The following RIMKLB variants were observed in gnomAD, a reference collection of about 807,000 sequenced individuals.
RIMKLB encodes the protein ribosomal modification protein rimK like family member B, also known as beta-citrylglutamate synthase B.
A neutral mutation model predicts 32.0 loss-of-function variants in RIMKLB; 7 were observed. That is an observed-to-expected ratio of 0.22 (90% CI 0.12 to 0.41). RIMKLB has a LOEUF of 0.41. RIMKLB is among the 10% of genes least tolerant of loss of function. RIMKLB has a pLI of 1.00. For synonymous variants in RIMKLB, 172 were observed against 185.1 expected (o/e 0.93, Z 0.57); for missense variants, 289 against 498.7 (o/e 0.58, Z 4.00).
At chr12:8,768,202 G>T (rs996555480) in intron 5 of RIMKLB, among the ~76,000 whole-genome samples, 2 of 152,252 alleles carry the variant, frequency 1.3e-5, no homozygotes, top group African/African-American at 4.8e-5. Flanking sequence ...GCACTTAGTT[G>T]TGCAGGAACA....
intron 1 of RIMKLB, among the ~76,000 whole-genome samples, chr12:8,684,204 C>T (rs548830572): frequency 3.6e-4 from 54 of 151,520 alleles, no homozygotes; most frequent in Middle Eastern, 3.4e-3. Context: ...GATGGAGTCT[C>T]GCTCTGCCAC....
chr12:8,764,032 C>T (rs965477883), intron 5 of RIMKLB, among the ~76,000 whole-genome samples: 1 of 152,178 alleles, frequency 6.6e-6, no homozygotes, highest in Admixed American at 6.5e-5. Context: ...AGAGGGACAA[C>T]GGCCTCATTG....
At chr12:8,739,326 T>C (rs1398752118) in intron 2 of RIMKLB, among the ~76,000 whole-genome samples, 1 of 152,150 alleles carries the variant, frequency 6.6e-6, no homozygotes, top group Non-Finnish European at 1.5e-5. Flanking sequence ...GTGTACAAGC[T>C]CTCATCTCTT....
At position 8,748,851 on chromosome 12, in the gene RIMKLB, A is replaced by G. The variant is rs1255950759; in HGVS notation, c.176-1011A>G. On this transcript the variant is annotated intron_variant, in intron 2 of 5. Coordinates refer to ENST00000535829, the MANE Select transcript of RIMKLB (RefSeq NM_001297776.2). ...CCACTCTGGAGGCTGAGGCAGGAGA[A>G]TTGCTTGAACCCAGGAAGCAGAGGT... Among the ~76,000 whole-genome samples the G allele has an allele frequency of 5.3e-5, 8 of 151,878 alleles. No homozygotes were observed. The East Asian group carries it at 1.6e-3, about 30-fold the overall frequency.
At chr12:8,769,354 A>T (rs1950225417) in intron 5 of RIMKLB, among the ~76,000 whole-genome samples, 1 of 152,130 alleles carries the variant, frequency 6.6e-6, no homozygotes, top group Non-Finnish European at 1.5e-5. Context: ...AAAAATGTAT[A>T]TATGGATATA....
chr12:8,732,371 T>G (rs769989359), intron 2 of RIMKLB, among the ~76,000 whole-genome samples: 1 of 152,170 alleles, frequency 6.6e-6, no homozygotes, highest in Non-Finnish European at 1.5e-5. Flanking sequence ...TTGTAATATA[T>G]GGAGCCCAAC....
intron 2 of RIMKLB, among the ~76,000 whole-genome samples, chr12:8,745,886 G>A (rs1948038917): frequency 6.7e-6 from 1 of 150,330 alleles, no homozygotes; most frequent in Non-Finnish European, 1.5e-5. Context: ...GTACAGACAG[G>A]GTTTCACCAT....
intron 1 of RIMKLB, among the ~76,000 whole-genome samples, chr12:8,704,975 C>CAA (rs1410448378): frequency 1.3e-5 from 2 of 149,696 alleles, no homozygotes; most frequent in Admixed American, 1.3e-4. Flanking sequence ...CTCTAAAACA[C>CAA]ACACACACAC....
intron 1 of RIMKLB, among the ~76,000 whole-genome samples, chr12:8,701,897 C>CA (rs1555147679): frequency 1.6e-4 from 24 of 150,936 alleles, no homozygotes; most frequent in South Asian, 4.2e-4. Flanking sequence ...CTCAGCTACT[C>CA]GGGGGGGCTG....
intron 1 of RIMKLB, among the ~76,000 whole-genome samples, chr12:8,687,971 T>C (rs977895532): frequency 6.6e-6 from 1 of 151,758 alleles, no homozygotes; most frequent in African/African-American, 2.4e-5. Context: ...CCAGGCAGCA[T>C]GAGGGGAGGA....
chr12:8,752,514 T>C (rs1948696052), intron 4 of RIMKLB, among the ~76,000 whole-genome samples: 1 of 151,964 alleles, frequency 6.6e-6, no homozygotes, highest in Admixed American at 6.6e-5. Context: ...ATCACACCAC[T>C]GCACTCCAAC....
At chr12:8,726,973 G>T (rs1946072209) in intron 2 of RIMKLB, among the ~76,000 whole-genome samples, 1 of 151,800 alleles carries the variant, frequency 6.6e-6, no homozygotes, top group Non-Finnish European at 1.5e-5. Context: ...CATTTATGTA[G>T]CTTTTTAAAG....
the RIMKLB span, among the ~76,000 whole-genome samples, chr12:8,672,793 C>G: frequency 1.3e-5 from 2 of 152,272 alleles, no homozygotes; most frequent in South Asian, 4.1e-4. Flanking sequence ...ATGTGAATGG[C>G]CTGCCCTTGC....
chr12:8,695,387 G>A (rs1942857779), upstream of RIMKLB, among the ~76,000 whole-genome samples: 1 of 152,150 alleles, frequency 6.6e-6, no homozygotes, highest in South Asian at 2.1e-4. Context: ...CAAAGATTAT[G>A]ACTGAATGTA....
chr12:8,719,365 G>GT (rs970355176), intron 2 of RIMKLB, among the ~76,000 whole-genome samples: 3 of 151,674 alleles, frequency 2.0e-5, no homozygotes, highest in Non-Finnish European at 2.9e-5. Flanking sequence ...GGGTTTTTTT[G>GT]TTTTGTTTTG....
chr12:8,707,884 C>T (rs1455971610), intron 1 of RIMKLB, among the ~76,000 whole-genome samples: 1 of 152,180 alleles, frequency 6.6e-6, no homozygotes, highest in Non-Finnish European at 1.5e-5. Context: ...CCCGTGATTC[C>T]TATCCAAGAG....
At chr12:8,728,401 G>A (rs1334726011) in intron 2 of RIMKLB, among the ~76,000 whole-genome samples, 2 of 152,120 alleles carry the variant, frequency 1.3e-5, no homozygotes, top group Non-Finnish European at 2.9e-5. Flanking sequence ...CCTATGATTA[G>A]GTCTCTGCCT....
chr12:8,705,279 C>T (rs1394943886), intron 1 of RIMKLB, among the ~76,000 whole-genome samples: 1 of 152,018 alleles, frequency 6.6e-6, no homozygotes, highest in Non-Finnish European at 1.5e-5. Flanking sequence ...GAGTTCGAGA[C>T]CAGCCTGGCC....
chr12:8,724,079 A>G (rs1342486094), intron 2 of RIMKLB, among the ~76,000 whole-genome samples: 2 of 151,944 alleles, frequency 1.3e-5, no homozygotes, highest in Admixed American at 6.6e-5. Flanking sequence ...TCAGCCCCCA[A>G]AATGCTAGGT....
Sources: gnomAD v4.1 joint callset for allele counts (sites outside exome capture counted in the v4.1 genomes callset) on GRCh38, gnomAD v4.1.1 for gene constraint, MANE v1.5 for transcripts, NCBI Gene and HGNC (gene_info 2026-07-23, HGNC 2026-07-21) for gene names.